The following CCSER1 variants were observed in gnomAD, a reference collection of about 807,000 sequenced individuals.
CCSER1 encodes the protein serine-rich coiled-coil domain-containing protein 1.
CCSER1 carries 41 observed loss-of-function variants against 82.0 expected under a neutral mutation model. That is an observed-to-expected ratio of 0.50 (90% CI 0.39 to 0.65). The LOEUF (loss-of-function observed/expected upper bound fraction) is 0.65, where lower values mean the gene tolerates loss of function less well. Among genes scored for constraint, CCSER1 ranks in the 30% least tolerant of loss-of-function variants. The pLI, the probability that CCSER1 is intolerant of heterozygous loss-of-function variation, is 0.00. For missense variants in CCSER1, 1,119 were observed against 1,064.2 expected (o/e 1.05, Z -0.72); for synonymous variants, 414 against 383.9 (o/e 1.08, Z -0.92).
Position 91,011,710 on chromosome 4 carries a change from C to T in CCSER1, c.2173-74240C>T, listed in dbSNP as rs910885449. 3.7e-5 allele frequency among the ~76,000 whole-genome samples: 5 copies of T among 134,072 alleles called. 2 individuals carry two copies. The allele number at this position is 134,072 out of a possible 152,430, so 88.0% of individuals were successfully genotyped here. ...GCAAGGTGTAGCTGCAATTTGTGTA[C>T]CAGAGCCAATAGGGCTCAGTGGCAA... On this transcript the variant is annotated intron_variant, in intron 9 of 10. Coordinates refer to ENST00000509176, the MANE Select transcript of CCSER1 (RefSeq NM_001145065.2).
intron 5 of CCSER1, among the ~76,000 whole-genome samples, chr4:90,610,291 ATAAATAAAT>A (rs1785290708): frequency 6.6e-6 from 1 of 151,094 alleles, no homozygotes; most frequent in African/African-American, 2.4e-5. Flanking sequence ...AAATAAATAA[ATAAATAAAT>A]AAAATGTGAT....
At chr4:90,861,016 A>T (rs1765019542) in intron 8 of CCSER1, among the ~76,000 whole-genome samples, 2 of 151,806 alleles carry the variant, frequency 1.3e-5, no homozygotes, top group South Asian at 2.1e-4. Context: ...ATTGTATATG[A>T]ATTATAACTC....
intron 10 of CCSER1, among the ~76,000 whole-genome samples, chr4:91,339,780 C>G (rs1275851466): frequency 1.3e-5 from 2 of 152,044 alleles, no homozygotes; most frequent in Non-Finnish European, 2.9e-5. Context: ...AGTACTGAAC[C>G]CTATGTATAC....
chr4:91,034,872 A>G (rs1741298127), intron 9 of CCSER1, among the ~76,000 whole-genome samples: 1 of 152,186 alleles, frequency 6.6e-6, no homozygotes, highest in Non-Finnish European at 1.5e-5. Flanking sequence ...GGAAGTCCAC[A>G]GAAATCTATA....
chr4:90,229,462 T>G (rs1391113007), intron 1 of CCSER1, among the ~76,000 whole-genome samples: 1 of 152,066 alleles, frequency 6.6e-6, no homozygotes, highest in Non-Finnish European at 1.5e-5. Context: ...AAAGTGCTCC[T>G]GAAGGAAGTG....
chr4:90,410,809 C>G (rs1038371952), intron 4 of CCSER1, among the ~76,000 whole-genome samples: 2 of 152,124 alleles, frequency 1.3e-5, no homozygotes, highest in Non-Finnish European at 2.9e-5. Flanking sequence ...ACACAAAAAA[C>G]CCTTCAAAAA....
At chr4:91,003,762 T>C (rs1344048996) in intron 9 of CCSER1, among the ~76,000 whole-genome samples, 3 of 151,888 alleles carry the variant, frequency 2.0e-5, no homozygotes, top group African/African-American at 4.8e-5. Flanking sequence ...TTGAAATTGT[T>C]AAAAAAAAGT....
At chr4:91,152,233 C>T (rs965069184) in intron 10 of CCSER1, among the ~76,000 whole-genome samples, 1 of 152,118 alleles carries the variant, frequency 6.6e-6, no homozygotes, top group East Asian at 1.9e-4. Context: ...ATGTAATAGC[C>T]TCCCTTGTCT....
chr4:90,257,213 TTATA>T lies in CCSER1; in HGVS notation c.-41-51018_-41-51015del, dbSNP rs72437251. ...GTGTCTTATGTTATAAAATGAAATG[TTATA>T]TATATATATATAGGTATATGTCTAT... On this transcript the variant is annotated intron_variant, in intron 1 of 10. Transcript: ENST00000509176. Among the ~76,000 whole-genome samples, 5 of 150,210 alleles carry T rather than the reference TTATA, an allele frequency of 3.3e-5. No homozygotes were observed. The East Asian group carries it at 7.8e-4, about 23-fold the overall frequency.
At chr4:91,548,675 T>C (rs1325819871) in intron 10 of CCSER1, among the ~76,000 whole-genome samples, 1 of 152,088 alleles carries the variant, frequency 6.6e-6, no homozygotes, top group African/African-American at 2.4e-5. Flanking sequence ...AAATATTCTA[T>C]TCAACTCTCT....
intron 8 of CCSER1, among the ~76,000 whole-genome samples, chr4:90,881,408 A>G (rs922823133): frequency 6.6e-6 from 1 of 152,112 alleles, no homozygotes; most frequent in South Asian, 2.1e-4. Context: ...AAAACTCCCA[A>G]ACAGATTACT....
intron 10 of CCSER1, among the ~76,000 whole-genome samples, chr4:91,479,625 A>C (rs969179178): frequency 1.3e-5 from 2 of 151,508 alleles, no homozygotes; most frequent in African/African-American, 4.8e-5. Flanking sequence ...GTATGGTAAG[A>C]TGGAGATACT....
At chr4:90,648,974 G>A (rs933262938) in intron 6 of CCSER1, among the ~76,000 whole-genome samples, 1 of 152,186 alleles carries the variant, frequency 6.6e-6, no homozygotes, top group Non-Finnish European at 1.5e-5. Flanking sequence ...GTTAGCTGCT[G>A]CTTCTTACAC....
chr4:90,304,896 C>G (rs779155686), intron 1 of CCSER1, among the ~76,000 whole-genome samples: 2 of 151,576 alleles, frequency 1.3e-5, no homozygotes, highest in Non-Finnish European at 2.9e-5. Flanking sequence ...CTGACTCTTT[C>G]ATTTACTGTT....
chr4:90,572,634 A>T (rs562496979), intron 5 of CCSER1, among the ~76,000 whole-genome samples: 1 of 149,650 alleles, frequency 6.7e-6, no homozygotes, highest in African/African-American at 2.5e-5. Flanking sequence ...TTTCTACTGC[A>T]TTTTTTTCAT....
chr4:90,466,316 T>C (rs546730113), intron 4 of CCSER1, among the ~76,000 whole-genome samples: 1 of 152,326 alleles, frequency 6.6e-6, no homozygotes, highest in African/African-American at 2.4e-5. Flanking sequence ...TGAAGGATGT[T>C]CCCCACTGCT....
At chr4:90,859,053 T>C (rs1006877062) in intron 8 of CCSER1, among the ~76,000 whole-genome samples, 5 of 151,894 alleles carry the variant, frequency 3.3e-5, no homozygotes, top group African/African-American at 1.2e-4. Context: ...AAATGAAATG[T>C]GAATGCCTAA....
At chr4:90,714,028 A>C (rs182359196) in intron 6 of CCSER1, among the ~76,000 whole-genome samples, 36 of 151,986 alleles carry the variant, frequency 2.4e-4, no homozygotes, top group Middle Eastern at 6.8e-3. Context: ...TTTCAGTCCC[A>C]GTATGAGAAC....
chr4:90,133,825 A>G (rs192163503), intron 1 of CCSER1, among the ~76,000 whole-genome samples: 23 of 152,308 alleles, frequency 1.5e-4, no homozygotes, highest in African/African-American at 5.1e-4. Context: ...GTATTGCTTC[A>G]TCAGTGTTAG....
Sources: gnomAD v4.1 joint callset for allele counts (sites outside exome capture counted in the v4.1 genomes callset) on GRCh38, gnomAD v4.1.1 for gene constraint, MANE v1.5 for transcripts, NCBI Gene and HGNC (gene_info 2026-07-23, HGNC 2026-07-21) for gene names.